The following HCFC1 variants were observed in gnomAD, a reference collection of about 807,000 sequenced individuals.
The protein encoded by HCFC1 is host cell factor 1.
A neutral mutation model predicts 105.5 loss-of-function variants in HCFC1; 7 were observed. The ratio of observed to expected loss-of-function variants is 0.07; its 90% CI spans 0.04 to 0.12. The LOEUF (loss-of-function observed/expected upper bound fraction) is 0.12, where lower values mean the gene tolerates loss of function less well. Ranked by LOEUF, HCFC1 falls within the 10% of genes least tolerant of loss-of-function variation. The probability of loss-of-function intolerance (pLI) is 1.00; values close to 1 mark genes in which losing one functional copy is unlikely to be tolerated. For missense variants in HCFC1, 1,065 were observed against 1,823.6 expected (o/e 0.58, Z 7.58); for synonymous variants, 918 against 828.1 (o/e 1.11, Z -1.86).
chrX:153,959,180 A>G (rs782014906), intron 9 of HCFC1, 151 bp downstream of exon 9: 71 of 587,914 alleles, frequency 1.2e-4, no homozygotes, highest in Non-Finnish European at 1.7e-4. Flanking sequence ...ATGACCTCGC[A>G]GGAGCGTTTC....
intron 12 of HCFC1, 92 bp downstream of exon 12, chrX:153,957,690 A>G (rs898007400): frequency 6.7e-5 from 53 of 795,404 alleles, no homozygotes; most frequent in Non-Finnish European, 9.4e-5. Flanking sequence ...ATGTGTGCTC[A>G]TGGGATCTTC....
Position 153,964,551 on chromosome X carries a change from C to T in HCFC1, c.342+27G>A, listed in dbSNP as rs782387877. 1.9e-5 allele frequency: 22 copies of T among 1,176,158 alleles called. No individual in the cohort carries two copies. The Admixed American group carries it at 4.6e-4, about 25-fold the overall frequency. On this transcript the variant is annotated intron_variant, in intron 2 of 25. Coordinates refer to ENST00000310441, the MANE Select transcript of HCFC1 (RefSeq NM_005334.3). The stretch of plus-strand genomic sequence containing the variant: ...GTCAGGTCACATGGGGCCAAGGAGG[C>T]AGAGTGAGAACCTGGGGCTGCTTTA...
At chrX:153,961,316 G>C (rs1395739474) in intron 6 of HCFC1, among the ~76,000 whole-genome samples, 6 of 112,644 alleles carry the variant, frequency 5.3e-5, no homozygotes, top group African/African-American at 1.9e-4. Context: ...CACCGTAGAG[G>C]CTTTTGCACT....
At position 153,959,983 on chromosome X, in the gene HCFC1, A is replaced by T; in HGVS notation, c.1263T>A (p.Pro421=). 1 of 1,211,429 alleles carries T rather than the reference A, an allele frequency of 8.3e-7. No homozygotes were observed. Residue 421 remains proline (P), a synonymous_variant, in exon 8 of 26, where the codon CCT becomes CCA. Coordinates refer to ENST00000310441, the MANE Select transcript of HCFC1 (RefSeq NM_005334.3). ...SPTPNPVPSV[P]ANPPKSPAPA... ...GGGCAGGGCTCTTGGGAGGGTTGGC[A>T]GGCACAGATGGGACCGGATTGGGTG...
chrX:153,956,281 C>T lies in HCFC1; in HGVS notation c.2766G>A (p.Gln922=), dbSNP rs1603296090. 8.2e-7 allele frequency: 1 copy of T among 1,212,474 alleles called. No individual in the cohort carries two copies. The highest frequency in any genetic ancestry group is 1.1e-6 in the Non-Finnish European group (1 of 895,634). ...CAGTGATGGCAGTGGGGTTGATCAC[C>T]TGGCTTGAGAGGGTGGCAATGGTGC... is the stretch of plus-strand genomic sequence containing the variant. ...TLGTIATLSS[Q]VINPTAITVS... Residue 922 remains glutamine (Q), a synonymous_variant, in exon 16 of 26, where the codon CAG becomes CAA. Transcript: ENST00000310441.
In HCFC1 at chrX:153,954,113, G is replaced by C; in HGVS notation, c.4286C>G (p.Thr1429Ser). ...NPPCETHETG[T>S]THTATTVTSN... ...AGTGACAGTGGTGGCCGTGTGAGTG[G>C]TGCCCGTCTCGTGGGTCTCACAGGG... Residue 1429 changes from threonine to serine, a missense_variant, in exon 17 of 26, where the codon ACC (threonine) becomes AGC (serine). Physicochemically the swap from Thr to Ser is moderately conservative, Grantham distance 58 (BLOSUM62 1). Transcript: ENST00000310441. 1 of 1,210,003 alleles carries C rather than the reference G, an allele frequency of 8.3e-7. No individual in the cohort carries two copies. The highest frequency in any genetic ancestry group is 1.1e-6 in the Non-Finnish European group (1 of 894,207).
intron 8 of HCFC1, 125 bp from the exon 9 acceptor site, chrX:153,959,616 C>G: frequency 1.0e-6 from 1 of 968,868 alleles, no homozygotes; most frequent in Non-Finnish European, 1.4e-6. Flanking sequence ...TCTCTGTGCC[C>G]TGAGAGTGAC....
At chrX:153,949,460 C>A in intron 25 of HCFC1, 74 bp from the exon 26 acceptor site, 1 of 1,124,686 alleles carries the variant, frequency 8.9e-7, no homozygotes, top group Non-Finnish European at 1.2e-6. Flanking sequence ...GGTGCAGGGC[C>A]GGTTAGGGGC....
rs1400195721 is a variant in HCFC1, at chrX:153,950,983, C to T, written c.5533G>A (p.Val1845Ile). Residue 1845 changes from valine to isoleucine, a missense_variant, in exon 23 of 26, where the codon GTC becomes ATC. Val to Ile is a conservative substitution (Grantham distance 29). This residue lies in a region of HCFC1 where 17 missense variants were observed against 30.5 expected (regional missense o/e 0.56). Coordinates refer to ENST00000310441, the MANE Select transcript of HCFC1 (RefSeq NM_005334.3). ...AVPSDDDLGT[V>I]PDYNQLKKQE... The stretch of plus-strand genomic sequence containing the variant: ...TTCTTCAGCTGGTTATAGTCAGGGA[C>T]GGTGCCCAAATCATCCTAGGAAAAG... The T allele has an allele frequency of 4.1e-6, 5 of 1,208,650 alleles. No homozygotes were observed. The highest frequency in any genetic ancestry group is 3.0e-5 in the East Asian group (1 of 33,784).
At chrX:153,964,363 G>A (rs2065456683) in intron 2 of HCFC1, 79 bp from the exon 3 acceptor site, 19 of 1,010,332 alleles carry the variant, frequency 1.9e-5, no homozygotes, top group Non-Finnish European at 2.4e-5. Context: ...TGTGGTGGAG[G>A]AGGAAATGGC....
intron 10 of HCFC1, 74 bp from the exon 11 acceptor site, chrX:153,958,323 G>C (rs1557115747): frequency 7.1e-6 from 6 of 844,599 alleles, no homozygotes; most frequent in Non-Finnish European, 1.0e-5. Flanking sequence ...GTCCACGGTG[G>C]GCCCATAGCT....
At position 153,964,138 on chromosome X, in the gene HCFC1, C is replaced by T; in HGVS notation, c.489G>A (p.Lys163=). Residue 163 remains lysine, a synonymous_variant, in exon 3 of 26, where the codon AAG becomes AAA. Transcript: ENST00000310441. The stretch of plus-strand genomic sequence containing the variant: ...CCAAGCCTCACCTTGGAATGTTGTT[C>T]TTTGGGTCCTCGCTATCATTGGCCA... The part of the protein sequence containing the change: ...GGLANDSEDP[K]NNIPRYLNDL... 8.3e-7 allele frequency: 1 copy of T among 1,202,537 alleles called. No individual in the cohort carries two copies. Among genetic ancestry groups the T allele is most frequent in the South Asian group, 1.8e-5 (1 of 55,563 alleles).
At chrX:153,949,819 C>T (rs1036625919) in intron 24 of HCFC1, among the ~76,000 whole-genome samples, 3 of 111,955 alleles carry the variant, frequency 2.7e-5, no homozygotes, top group East Asian at 2.8e-4. Context: ...CCCCTCTGGA[C>T]GTAGGTTAGA....
Position 153,954,936 on chromosome X carries a change from C to A in HCFC1, c.3463G>T (p.Ala1155Ser), listed in dbSNP as rs1557114195. 8.4e-7 allele frequency: 1 copy of A among 1,191,149 alleles called. No individual in the cohort carries two copies. The change falls in exon 17 of 26, where the codon GCG (alanine) becomes TCG (serine). Residue 1155 changes from alanine (A) to serine (S), a missense_variant. Physicochemically the swap from Ala to Ser is moderately conservative, Grantham distance 99. Transcript: ENST00000310441. ...AVIRISVATG[A>S]LEAAQGSKSQ... Reference sequence around the variant, plus strand: ...TTAGAGCCCTGGGCTGCCTCCAGCGCCCCAGTGGCCACACTGATCCGGATC... The same window carrying A: ...TTAGAGCCCTGGGCTGCCTCCAGCGACCCAGTGGCCACACTGATCCGGATC...
In HCFC1 at chrX:153,949,165, G is replaced by A. The variant is rs2065285123; in HGVS notation, c.*182C>T. ...GCCTCTGCTTCCTCCCAACAGCAAT[G>A]GTAAAATGTGCTTTCTTTAGATTAT... On this transcript the variant is annotated 3_prime_UTR_variant, in exon 26 of 26. Coordinates refer to ENST00000310441, the MANE Select transcript of HCFC1 (RefSeq NM_005334.3). 2.3e-6 allele frequency: 1 copy of A among 427,783 alleles called. No homozygotes were observed. The highest frequency in any genetic ancestry group is 3.8e-5 in the East Asian group (1 of 26,183). 35.3% of individuals were successfully genotyped at this position (427,783 alleles called of 1,213,427 possible). A position where few individuals can be genotyped will look rare whatever the true frequency, so the allele number is the denominator to read the frequency against.
Position 153,949,355 on chromosome X carries a change from C to T in HCFC1, c.6100G>A (p.Gly2034Ser). 8.3e-7 allele frequency: 1 copy of T among 1,206,742 alleles called. No homozygotes were observed. Among genetic ancestry groups the T allele is most frequent in the Non-Finnish European group, 1.1e-6 (1 of 892,506 alleles). The change falls in exon 26 of 26, where the codon GGT (glycine) becomes AGT (serine). Residue 2034 changes from glycine to serine, a missense_variant. Coordinates refer to ENST00000310441, the MANE Select transcript of HCFC1 (RefSeq NM_005334.3). ...GGCTAGTCAGCTTCCTCTCACTGAC[C>T]ATCGGCCTTAGATTTCTTTGGAGCA... Reference protein sequence around the residue: ...KSAPKKSKADGQ With the variant: ...KSAPKKSKADSQ
chrX:153,963,767 G>T (rs1476117676), intron 3 of HCFC1, among the ~76,000 whole-genome samples: 1 of 112,919 alleles, frequency 8.9e-6, no homozygotes. Flanking sequence ...TCCAGACAGA[G>T]AGTCCTTGGC....
chrX:153,964,006 C>T (rs2065453064), intron 3 of HCFC1, 118 bp downstream of exon 3: 7 of 597,077 alleles, frequency 1.2e-5, no homozygotes, highest in South Asian at 4.8e-5. Context: ...CAACCCAGCA[C>T]GAGAAAGGGA....
At chrX:153,969,656 C>T (rs1384434134) in intron 1 of HCFC1, 1 of 112,746 alleles carries the variant, frequency 8.9e-6, no homozygotes, top group Non-Finnish European at 1.9e-5. Context: ...GGCTTTCTGC[C>T]CTAGAGACTA....
Sources: allele counts gnomAD v4.1 joint callset (sites outside exome capture counted in the v4.1 genomes callset), GRCh38; gene constraint gnomAD v4.1.1; regional missense constraint gnomAD v4.1.1; transcripts MANE v1.5; gene names NCBI Gene and HGNC (gene_info 2026-07-23, HGNC 2026-07-21).